Variants in AMOTL1 observed in about 807,000 individuals in gnomAD.
AMOTL1 encodes angiomotin like 1.
In AMOTL1, 45 loss-of-function variants were observed where a neutral mutation model predicts 102.9. That is an observed-to-expected ratio of 0.44 (90% CI 0.34 to 0.56). The LOEUF is 0.56. Ranked by LOEUF, AMOTL1 falls within the 20% of genes least tolerant of loss-of-function variation. The pLI, the probability that AMOTL1 is intolerant of heterozygous loss-of-function variation, is 0.01. For synonymous variants in AMOTL1, 481 were observed against 484.7 expected, an observed-to-expected ratio of 0.99 and a Z score of 0.10; for missense variants, 1,114 against 1,225.6, an observed-to-expected ratio of 0.91 and a Z score of 1.36.
chr11:94,765,422 A>C (rs758297615), upstream of AMOTL1, among the ~76,000 whole-genome samples: 15 of 152,144 alleles, frequency 9.9e-5, no homozygotes, highest in Non-Finnish European at 1.3e-4. Flanking sequence ...CTTTTTTTGC[A>C]GGCCTTAGTT....
chr11:94,796,556 A>G (rs955882676), intron 2 of AMOTL1, among the ~76,000 whole-genome samples: 5 of 152,212 alleles, frequency 3.3e-5, no homozygotes, highest in African/African-American at 9.6e-5. Context: ...CAGCATGTCT[A>G]AATGGCTGGC....
chr11:94,799,742 C>G lies in AMOTL1; in HGVS notation c.552C>G (p.Asn184Lys), dbSNP rs779379981. 1.2e-6 allele frequency: 2 copies of G among 1,612,002 alleles called. No homozygotes were observed. Among genetic ancestry groups the G allele is most frequent in the South Asian group, 1.1e-5 (1 of 90,916 alleles). ...TCCGGTCCACGCAGCCTCAGCAGAA[C>G]AACGAGGAACTGCCCACTTACGAGG... ...KQVRSTQPQQ[N>K]NEELPTYEEA... Residue 184 changes from asparagine to lysine, a missense_variant, in exon 3 of 13, where the codon AAC (asparagine) becomes AAG (lysine). Asn to Lys is a moderately conservative substitution (Grantham distance 94, BLOSUM62 0). Coordinates refer to ENST00000433060, the MANE Select transcript of AMOTL1 (RefSeq NM_130847.3). The surrounding 1 kb of genome is among the most constrained non-coding windows in gnomAD (Gnocchi z 4.5).
At chr11:94,725,074 G>A (rs1244356168) in intron 1 of AMOTL1, among the ~76,000 whole-genome samples, 1 of 152,162 alleles carries the variant, frequency 6.6e-6, no homozygotes. Context: ...AGAAGTGGTG[G>A]TTAGAAGTTC....
intron 2 of AMOTL1, among the ~76,000 whole-genome samples, chr11:94,732,976 C>T (rs942533193): frequency 1.6e-4 from 25 of 152,242 alleles, no homozygotes; most frequent in Admixed American, 5.9e-4. Flanking sequence ...AAGGAGGCAA[C>T]TTTTCCTGAC....
At chr11:94,726,407 T>C (rs1158483612) in intron 1 of AMOTL1, among the ~76,000 whole-genome samples, 3 of 152,186 alleles carry the variant, frequency 2.0e-5, no homozygotes, top group Non-Finnish European at 2.9e-5. Flanking sequence ...TATGTATTCA[T>C]AGTATTCCAG....
chr11:94,762,942 C>T (rs1177999323), intron 3 of AMOTL1, among the ~76,000 whole-genome samples: 1 of 152,138 alleles, frequency 6.6e-6, no homozygotes, highest in African/African-American at 2.4e-5. Flanking sequence ...CTTAACGATC[C>T]CGCCAAACTA....
chr11:94,779,955 C>T (rs1033156758), intron 1 of AMOTL1, among the ~76,000 whole-genome samples: 7 of 152,046 alleles, frequency 4.6e-5, no homozygotes, highest in African/African-American at 1.7e-4. Context: ...ATGTTATGAT[C>T]CTGAAGGAAT....
intron 9 of AMOTL1, among the ~76,000 whole-genome samples, chr11:94,860,606 C>T (rs1390432271): frequency 1.3e-5 from 2 of 152,186 alleles, no homozygotes; most frequent in African/African-American, 2.4e-5. Context: ...GGGACCCATC[C>T]AGCCCCTCAC....
chr11:94,735,138 T>C (rs1028992298), intron 2 of AMOTL1, among the ~76,000 whole-genome samples: 1 of 152,216 alleles, frequency 6.6e-6, no homozygotes, highest in African/African-American at 2.4e-5. Flanking sequence ...AAGGCCCTCC[T>C]GTGGTCTGCT....
At chr11:94,764,591 C>T (rs949160), upstream of AMOTL1, among the ~76,000 whole-genome samples, 150,868 of 152,316 alleles carry the variant, frequency 0.99, 74,739 homozygotes, top group Middle Eastern at 1. Flanking sequence ...CTGTTCCTTA[C>T]GTAGTCATGT....
In AMOTL1 at chr11:94,728,793, C is replaced by T. The variant is rs553982049; in HGVS notation, c.-50-128C>T. On this transcript the variant is annotated intron_variant, in intron 1 of 4. Coordinates refer to the AMOTL1 transcript ENST00000299004. Reference sequence around the variant, plus strand: ...TCAGGCCATACCCAAATCTAGACAACGAGCTTTGTGTGCCAAAGGAATGAA... The same window carrying T: ...TCAGGCCATACCCAAATCTAGACAATGAGCTTTGTGTGCCAAAGGAATGAA... 123 of 384,912 alleles carry T rather than the reference C, an allele frequency of 3.2e-4. 2 individuals are homozygous for T. The highest frequency in any genetic ancestry group is 2.4e-3 in the South Asian group (101 of 42,570). The allele number at this position is 384,912 out of a possible 1,614,324, so 23.8% of individuals were successfully genotyped here. A position where few individuals can be genotyped will look rare whatever the true frequency, so the allele number is the denominator to read the frequency against.
chr11:94,763,370 G>A (rs527510155), upstream of AMOTL1, among the ~76,000 whole-genome samples: 6 of 152,286 alleles, frequency 3.9e-5, no homozygotes, highest in African/African-American at 1.4e-4. Flanking sequence ...GCAGGGCAGG[G>A]CATGTGTCAG....
chr11:94,755,362 T>C (rs922562532), intron 3 of AMOTL1, among the ~76,000 whole-genome samples: 3 of 152,302 alleles, frequency 2.0e-5, no homozygotes, highest in South Asian at 2.1e-4. Flanking sequence ...CATCTTAGTG[T>C]CCTCATAGGA....
chr11:94,799,863 A>T lies in AMOTL1; in HGVS notation c.673A>T (p.Ser225Cys). Residue 225 changes from serine to cysteine, a missense_variant, in exon 3 of 13, where the codon AGT (serine) becomes TGT (cysteine). Ser to Cys is a moderately radical substitution (Grantham distance 112). Transcript: ENST00000433060. This position sits in a 1 kb window ranked among gnomAD's most constrained non-coding sequence, Gnocchi z 4.5. ...TGGTTACTACATGGCAGGGGGCACC[A>T]GTCAGAAGTCCCGAACTGAGGGGAG... ...GHGYYMAGGT[S>C]QKSRTEGRPT... The T allele has an allele frequency of 6.3e-7, 1 of 1,592,158 alleles. No individual in the cohort carries two copies. The highest frequency in any genetic ancestry group is 8.6e-7 in the Non-Finnish European group (1 of 1,168,644).
rs116983827 is a variant in AMOTL1, at chr11:94,848,484, C to T, written c.1649-1630C>T. ...TTACAAGTCAGCTCCTTCAGTCTAT[C>T]GATTCAGAAGCTGTTCCATTGCCCT... On this transcript the variant is annotated intron_variant, in intron 6 of 12. Transcript: ENST00000433060. Among the ~76,000 whole-genome samples, 6 of 152,254 alleles carry T rather than the reference C, an allele frequency of 3.9e-5. No individual in the cohort carries two copies. In the East Asian group the frequency reaches 9.7e-4, roughly 25 times the overall value.
At chr11:94,761,677 G>A (rs1181120789) in intron 3 of AMOTL1, among the ~76,000 whole-genome samples, 1 of 152,112 alleles carries the variant, frequency 6.6e-6, no homozygotes, top group African/African-American at 2.4e-5. Flanking sequence ...TTTAAGACAT[G>A]AATTTTAACT....
intron 3 of AMOTL1, among the ~76,000 whole-genome samples, chr11:94,818,159 T>C (rs903525398): frequency 2.0e-5 from 3 of 152,234 alleles, no homozygotes; most frequent in Non-Finnish European, 4.4e-5. Flanking sequence ...AAGGCTTTCA[T>C]TGGAATGGCA....
intron 3 of AMOTL1, among the ~76,000 whole-genome samples, chr11:94,751,516 G>A: frequency 6.6e-6 from 1 of 152,028 alleles, no homozygotes; most frequent in East Asian, 1.9e-4. Flanking sequence ...ACGATTCAGG[G>A]CAGGTGGACT....
chr11:94,820,889 A>G (rs1951852831), intron 3 of AMOTL1, among the ~76,000 whole-genome samples: 1 of 152,182 alleles, frequency 6.6e-6, no homozygotes, highest in Admixed American at 6.5e-5. Flanking sequence ...CAGAAGATAG[A>G]GCTTAGGCAG....
Sources: gnomAD v4.1 joint callset for allele counts (sites outside exome capture counted in the v4.1 genomes callset) on GRCh38, gnomAD v4.1.1 for gene constraint, Gnocchi (gnomAD v3.1) non-coding constraint, MANE v1.5 for transcripts, NCBI Gene and HGNC (gene_info 2026-07-23, HGNC 2026-07-21) for gene names.